Variants in AGBL4 observed in about 807,000 individuals in gnomAD.
The protein encoded by AGBL4 is AGBL carboxypeptidase 4.
A neutral mutation model predicts 66.4 loss-of-function variants in AGBL4; 58 were observed. The ratio of observed to expected loss-of-function variants is 0.87; its 90% CI spans 0.71 to 1.09. The LOEUF is 1.09. Among genes scored for constraint, AGBL4 ranks in the 50% least tolerant of loss-of-function variants. AGBL4 has a pLI of 0.00. For missense variants in AGBL4, 579 were observed against 631.0 expected (o/e 0.92, Z 0.88); for synonymous variants, 234 against 222.9 (o/e 1.05, Z -0.44).
At chr1:49,643,169 T>C (rs991331010) in intron 3 of AGBL4, among the ~76,000 whole-genome samples, 2 of 151,588 alleles carry the variant, frequency 1.3e-5, no homozygotes, top group African/African-American at 2.4e-5. Context: ...ATGCCTGAGA[T>C]AAAAAATACA....
chr1:49,877,349 T>C (rs1168429577), intron 1 of AGBL4, among the ~76,000 whole-genome samples: 1 of 152,062 alleles, frequency 6.6e-6, no homozygotes, highest in Admixed American at 6.5e-5. Flanking sequence ...ACCTAATTTA[T>C]TGAGAGTTTT....
chr1:49,481,755 G>A (rs1363867832), intron 3 of AGBL4, among the ~76,000 whole-genome samples: 2 of 151,866 alleles, frequency 1.3e-5, no homozygotes, highest in African/African-American at 2.4e-5. Context: ...GGTGTTGGCC[G>A]TGGGTTGGTC....
chr1:49,393,974 C>G (rs1644903796), intron 3 of AGBL4, among the ~76,000 whole-genome samples: 1 of 152,058 alleles, frequency 6.6e-6, no homozygotes, highest in Non-Finnish European at 1.5e-5. Flanking sequence ...AAAGTTGAAA[C>G]TTTATTCTAC....
intron 3 of AGBL4, among the ~76,000 whole-genome samples, chr1:49,321,994 C>T (rs1196255295): frequency 6.6e-6 from 1 of 152,156 alleles, no homozygotes. Context: ...ACTTATTCAG[C>T]CTGGGCCCTG....
intron 3 of AGBL4, among the ~76,000 whole-genome samples, chr1:49,578,807 G>C (rs190285288): frequency 6.6e-6 from 1 of 152,296 alleles, no homozygotes; most frequent in African/African-American, 2.4e-5. Context: ...GAGCGTATGG[G>C]TTGAAGTTGA....
intron 2 of AGBL4, among the ~76,000 whole-genome samples, chr1:49,764,811 T>C (rs1334446514): frequency 2.0e-5 from 3 of 152,150 alleles, no homozygotes; most frequent in African/African-American, 4.8e-5. Flanking sequence ...GTTATGCCCT[T>C]AAACCACTCC....
At chr1:49,117,467 T>G (rs576978279) in intron 4 of AGBL4, among the ~76,000 whole-genome samples, 2 of 152,338 alleles carry the variant, frequency 1.3e-5, no homozygotes, top group Admixed American at 1.3e-4. Flanking sequence ...CACCATTTAT[T>G]AAATAGGGAA....
At chr1:49,066,852 A>G (rs371323813) in intron 4 of AGBL4, among the ~76,000 whole-genome samples, 1 of 152,210 alleles carries the variant, frequency 6.6e-6, no homozygotes, top group African/African-American at 2.4e-5. Context: ...CTATGAGAGT[A>G]GTATGCCTCA....
chr1:49,786,474 C>T (rs1248695989), intron 2 of AGBL4, among the ~76,000 whole-genome samples: 3 of 152,098 alleles, frequency 2.0e-5, no homozygotes, highest in Non-Finnish European at 4.4e-5. Context: ...TCATTGAGAA[C>T]ACTTATTTTA....
chr1:49,172,246 A>G (rs1646752534), intron 4 of AGBL4, among the ~76,000 whole-genome samples: 1 of 152,222 alleles, frequency 6.6e-6, no homozygotes, highest in Non-Finnish European at 1.5e-5. Flanking sequence ...GAGGATATAT[A>G]TTACATTGAC....
intron 1 of AGBL4, among the ~76,000 whole-genome samples, chr1:49,876,109 C>A (rs1258799918): frequency 6.7e-5 from 10 of 149,868 alleles, no homozygotes; most frequent in African/African-American, 2.5e-4. Context: ...TTGTAGGTTG[C>A]CTGTTCACTC....
chr1:49,410,735 T>C (rs1218232857), intron 3 of AGBL4, among the ~76,000 whole-genome samples: 1 of 152,214 alleles, frequency 6.6e-6, no homozygotes, highest in African/African-American at 2.4e-5. Flanking sequence ...TCCATTTGTC[T>C]ATGTATAAAA....
At chr1:48,771,966 A>G (rs1644858495) in intron 6 of AGBL4, among the ~76,000 whole-genome samples, 1 of 152,240 alleles carries the variant, frequency 6.6e-6, no homozygotes, top group Non-Finnish European at 1.5e-5. Flanking sequence ...ATCCTACGGC[A>G]GGTTTCTGTT....
chr1:48,629,698 A>C (rs1012016421), intron 9 of AGBL4, among the ~76,000 whole-genome samples: 2 of 152,080 alleles, frequency 1.3e-5, no homozygotes, highest in African/African-American at 2.4e-5. Context: ...GATGATCAGA[A>C]TCCTCTCTCA....
chr1:49,656,839 C>G (rs1228251140), intron 3 of AGBL4, among the ~76,000 whole-genome samples: 1 of 152,120 alleles, frequency 6.6e-6, no homozygotes. Flanking sequence ...ATAAATTCGG[C>G]ATTGATGGGA....
chr1:48,754,907 C>A (rs1046525158), intron 6 of AGBL4, among the ~76,000 whole-genome samples: 6 of 152,166 alleles, frequency 3.9e-5, no homozygotes, highest in African/African-American at 9.7e-5. Context: ...GGTCAGAAGA[C>A]CCTTAGGAAT....
At chr1:49,813,879 T>G (rs202008995) in intron 2 of AGBL4, among the ~76,000 whole-genome samples, 1 of 152,090 alleles carries the variant, frequency 6.6e-6, no homozygotes, top group East Asian at 1.9e-4. Context: ...AATCCTTACA[T>G]GTTATGGGAG....
At chr1:48,703,321 T>C (rs929116523) in intron 6 of AGBL4, among the ~76,000 whole-genome samples, 3 of 152,058 alleles carry the variant, frequency 2.0e-5, no homozygotes, top group Admixed American at 1.3e-4. Context: ...AAAATTCCCA[T>C]GGCAGTGAGA....
At chr1:48,541,583 C>T (rs1031472411) in intron 11 of AGBL4, among the ~76,000 whole-genome samples, 5 of 152,142 alleles carry the variant, frequency 3.3e-5, no homozygotes, top group Non-Finnish European at 7.3e-5. Context: ...ACCAGCTTGA[C>T]CAACATGATG....
Sources: allele counts gnomAD v4.1 joint callset (sites outside exome capture counted in the v4.1 genomes callset), GRCh38; gene constraint gnomAD v4.1.1; transcripts MANE v1.5; gene names NCBI Gene and HGNC (gene_info 2026-07-23, HGNC 2026-07-21).